The following CACNA1C variants were observed in gnomAD, a reference collection of about 807,000 sequenced individuals.
CACNA1C encodes the protein calcium voltage-gated channel subunit alpha1 C, also known as voltage-dependent L-type calcium channel subunit alpha-1C.
A neutral mutation model predicts 229.0 loss-of-function variants in CACNA1C; 30 were observed. The observed-to-expected ratio is 0.13, with a 90% CI of 0.10 to 0.18. The LOEUF (loss-of-function observed/expected upper bound fraction) is 0.18, where lower values mean the gene tolerates loss of function less well. CACNA1C is among the 10% of genes least tolerant of loss of function. CACNA1C has a pLI of 1.00. For synonymous variants in CACNA1C, 1,114 were observed against 1,132.5 expected (o/e 0.98, Z 0.33); for missense variants, 1,658 against 2,845.0 (o/e 0.58, Z 9.49).
chr12:2,651,384 G>C lies in CACNA1C; in HGVS notation c.3946-256G>C. 1.8e-6 allele frequency: 1 copy of C among 566,806 alleles called. No homozygotes were observed. The highest frequency in any genetic ancestry group is 3.1e-6 in the Non-Finnish European group (1 of 319,472). The allele number at this position is 566,806 out of a possible 1,614,324, so 35.1% of individuals were successfully genotyped here. On this transcript the variant is annotated intron_variant, in intron 31 of 46. Coordinates refer to ENST00000399655, the MANE Select transcript of CACNA1C (RefSeq NM_000719.7). This position sits in a 1 kb window ranked among gnomAD's most constrained non-coding sequence, Gnocchi z 5.4. ...GGCATTAAGAACTAGGAATGAAGGG[G>C]AATCGGGGAGAATAAAAACACAGGA...
At chr12:2,516,451 G>A (rs1028995037) in intron 9 of CACNA1C, among the ~76,000 whole-genome samples, 9 of 152,156 alleles carry the variant, frequency 5.9e-5, no homozygotes, top group Admixed American at 2.6e-4. Context: ...ATCAGGATCC[G>A]TCTGCCTGCC....
Position 2,651,362 on chromosome 12 carries a change from A to C in CACNA1C, c.3946-278A>C. 3.7e-6 allele frequency: 2 copies of C among 542,756 alleles called. No homozygotes were observed. Among genetic ancestry groups the C allele is most frequent in the South Asian group, 2.7e-5 (1 of 36,808 alleles). The allele number at this position is 542,756 out of a possible 1,614,324, so 33.6% of individuals were successfully genotyped here. A position where few individuals can be genotyped will look rare whatever the true frequency, so the allele number is the denominator to read the frequency against. On this transcript the variant is annotated intron_variant, in intron 31 of 46. Coordinates refer to ENST00000399655, the MANE Select transcript of CACNA1C (RefSeq NM_000719.7). This position sits in a 1 kb window ranked among gnomAD's most constrained non-coding sequence, Gnocchi z 5.4. ...GAGTCGTCTGTCCTCCATCCAGGGC[A>C]TTAAGAACTAGGAATGAAGGGGAAT...
intron 3 of CACNA1C, among the ~76,000 whole-genome samples, chr12:2,388,366 C>G (rs2098429872): frequency 6.6e-6 from 1 of 152,182 alleles, no homozygotes; most frequent in Non-Finnish European, 1.5e-5. Context: ...TAGTTGATCA[C>G]CTTGGTTGTG....
chr12:2,415,880 A>AC (rs2098887212), intron 3 of CACNA1C, among the ~76,000 whole-genome samples: 1 of 151,808 alleles, frequency 6.6e-6, no homozygotes, highest in Non-Finnish European at 1.5e-5. Context: ...CTTATCAGGC[A>AC]CCCCTTCCCC....
chr12:2,578,450 G>A (rs1029986727), intron 13 of CACNA1C, among the ~76,000 whole-genome samples: 1 of 152,140 alleles, frequency 6.6e-6, no homozygotes, highest in Non-Finnish European at 1.5e-5. Context: ...AGAGGAGAAG[G>A]GGAGGTGACT....
intron 3 of CACNA1C, among the ~76,000 whole-genome samples, chr12:2,201,680 C>A (rs985532894): frequency 6.6e-6 from 1 of 152,214 alleles, no homozygotes; most frequent in African/African-American, 2.4e-5. Flanking sequence ...GTCCTCATGA[C>A]CCTAACAACA....
chr12:2,032,019 G>A (rs1447548981), intron 1 of CACNA1C, among the ~76,000 whole-genome samples: 1 of 152,186 alleles, frequency 6.6e-6, no homozygotes, highest in South Asian at 2.1e-4. Context: ...GTGTGTCTGT[G>A]TGTATGTGTT....
In CACNA1C at chr12:2,136,229, G is replaced by C. The variant is rs1012604997; in HGVS notation, c.477+15799G>C. 3.4e-4 allele frequency among the ~76,000 whole-genome samples: 51 copies of C among 151,530 alleles called. 1 individual carries two copies. The highest frequency in any genetic ancestry group is 1.2e-3 in the African/African-American group (51 of 41,514). Reference sequence around the variant, plus strand: ...CTAGTGAGATGAACCCGGTACCTCAGATGGAAATGCAGAAATCACCCGTCT... The same window carrying C: ...CTAGTGAGATGAACCCGGTACCTCACATGGAAATGCAGAAATCACCCGTCT... On this transcript the variant is annotated intron_variant, in intron 3 of 46. Coordinates refer to ENST00000399655, the MANE Select transcript of CACNA1C (RefSeq NM_000719.7).
At chr12:2,411,551 TC>T (rs1261369843) in intron 3 of CACNA1C, among the ~76,000 whole-genome samples, 1 of 152,128 alleles carries the variant, frequency 6.6e-6, no homozygotes, top group Non-Finnish European at 1.5e-5. Context: ...TTGCCTCTGT[TC>T]CTAGTCCCCG....
chr12:2,233,975 G>A (rs548619578), intron 3 of CACNA1C, among the ~76,000 whole-genome samples: 1 of 152,296 alleles, frequency 6.6e-6, no homozygotes, highest in East Asian at 1.9e-4. Context: ...CTTACTCCCA[G>A]GTCCACCCTT....
At chr12:2,345,105 T>C (rs771647694) in intron 3 of CACNA1C, among the ~76,000 whole-genome samples, 14 of 150,390 alleles carry the variant, frequency 9.3e-5, no homozygotes, top group Non-Finnish European at 2.1e-4. Flanking sequence ...AGGAACTGCA[T>C]GCTCAATCAG....
Position 2,674,531 on chromosome 12 carries a change from C to T in CACNA1C, c.4727-10C>T, listed in dbSNP as rs749903718. ...CCACCAAGGGGCTGAGGATCCTTTC[C>T]GCCCTGCAGGGAACCTAGAACAAGC... On this transcript the variant is annotated splice_polypyrimidine_tract_variant and intron_variant, in intron 38 of 46. Transcript: ENST00000399655. The T allele has an allele frequency of 2.5e-5, 39 of 1,554,132 alleles. No homozygotes were observed. Among genetic ancestry groups the T allele is most frequent in the African/African-American group, 1.1e-4 (8 of 73,236 alleles).
rs1056025191 is a variant in CACNA1C, at chr12:2,633,841, C to G, written c.3829-456C>G. 1.3e-5 allele frequency: 8 copies of G among 636,500 alleles called. No homozygotes were observed. The highest frequency in any genetic ancestry group is 9.2e-5 in the Admixed American group (3 of 32,612). The allele number at this position is 636,500 out of a possible 1,614,324, so 39.4% of individuals were successfully genotyped here. A position where few individuals can be genotyped will look rare whatever the true frequency, so the allele number is the denominator to read the frequency against. Reference sequence around the variant, plus strand: ...TTTTTAATTTCCTGTTTTTACCCGCCTCCAGTCATGCCTTTTATTGAACCT... The same window carrying G: ...TTTTTAATTTCCTGTTTTTACCCGCGTCCAGTCATGCCTTTTATTGAACCT... On this transcript the variant is annotated intron_variant, in intron 29 of 46. Coordinates refer to ENST00000399655, the MANE Select transcript of CACNA1C (RefSeq NM_000719.7). The surrounding 1 kb of genome is among the most constrained non-coding windows in gnomAD (Gnocchi z 5.8).
At chr12:2,521,198 A>T (rs955056697) in intron 9 of CACNA1C, among the ~76,000 whole-genome samples, 1 of 152,216 alleles carries the variant, frequency 6.6e-6, no homozygotes, top group African/African-American at 2.4e-5. Context: ...GTATTGGTCT[A>T]CCTTTCACTG....
intron 1 of CACNA1C, among the ~76,000 whole-genome samples, chr12:2,070,576 T>C (rs1185172764): frequency 6.6e-6 from 1 of 152,358 alleles, no homozygotes; most frequent in African/African-American, 2.4e-5. Context: ...CAGTTATCTT[T>C]CTTCAGCAGT....
chr12:2,396,783 G>T (rs2154549890), intron 3 of CACNA1C, among the ~76,000 whole-genome samples: 1 of 152,366 alleles, frequency 6.6e-6, no homozygotes, highest in East Asian at 1.9e-4. Flanking sequence ...TAAAGGCATG[G>T]GGCCAAGCCT....
intron 3 of CACNA1C, among the ~76,000 whole-genome samples, chr12:2,341,508 C>T (rs1485699591): frequency 2.0e-5 from 3 of 152,210 alleles, no homozygotes; most frequent in African/African-American, 7.2e-5. Flanking sequence ...TGTGCGGGCC[C>T]TGCGTTTCAC....
chr12:2,241,459 C>T (rs1041088187), intron 3 of CACNA1C, among the ~76,000 whole-genome samples: 22 of 151,988 alleles, frequency 1.4e-4, no homozygotes, highest in Non-Finnish European at 3.1e-4. Flanking sequence ...GGAGAGCACG[C>T]GTGTGGGATG....
At chr12:2,550,520 C>T in intron 10 of CACNA1C, 1 of 1,346,198 alleles carries the variant, frequency 7.4e-7, no homozygotes, top group Non-Finnish European at 9.8e-7. Flanking sequence ...TGGGTCCTTA[C>T]CTGAAGCTCT....
Sources: allele counts gnomAD v4.1 joint callset (sites outside exome capture counted in the v4.1 genomes callset), GRCh38; gene constraint gnomAD v4.1.1; non-coding constraint Gnocchi (gnomAD v3.1); transcripts MANE v1.5; gene names NCBI Gene and HGNC (gene_info 2026-07-23, HGNC 2026-07-21).